Variants in SUPT3H observed in about 807,000 individuals in gnomAD.
SUPT3H encodes the protein SPT3 homolog, SAGA and STAGA complex component.
Under a neutral mutation model 44.3 loss-of-function variants are expected in SUPT3H, and 44 were observed. The ratio of observed to expected loss-of-function variants is 0.99; its 90% CI spans 0.78 to 1.28. SUPT3H has a LOEUF of 1.28. Ranked by LOEUF, SUPT3H falls within the 50% of genes most tolerant of loss-of-function variation. The probability of loss-of-function intolerance (pLI) is 0.00; values close to 1 mark genes in which losing one functional copy is unlikely to be tolerated. For synonymous variants in SUPT3H, 124 were observed against 125.6 expected (o/e 0.99, Z 0.09); for missense variants, 380 against 387.1 (o/e 0.98, Z 0.15).
At chr6:45,010,907 T>G (rs1298999932) in intron 5 of SUPT3H, among the ~76,000 whole-genome samples, 1 of 152,136 alleles carries the variant, frequency 6.6e-6, no homozygotes, top group East Asian at 1.9e-4. Flanking sequence ...CCTGGTTTGT[T>G]GAATGTCCCT....
chr6:45,377,040 T>A (rs1796887065), intron 1 of SUPT3H, among the ~76,000 whole-genome samples: 1 of 152,146 alleles, frequency 6.6e-6, no homozygotes, highest in African/African-American at 2.4e-5. Context: ...CATATCACTG[T>A]CTTCATAACT....
chr6:45,347,798 C>T (rs555496309), intron 2 of SUPT3H, among the ~76,000 whole-genome samples: 5 of 151,550 alleles, frequency 3.3e-5, no homozygotes, highest in African/African-American at 1.2e-4. Context: ...CATTAAAACA[C>T]TGTTTGTCTA....
chr6:44,967,965 T>C (rs1244730671), intron 6 of SUPT3H, among the ~76,000 whole-genome samples: 1 of 152,046 alleles, frequency 6.6e-6, no homozygotes, highest in Non-Finnish European at 1.5e-5. Flanking sequence ...AATTGTTTTC[T>C]TATTTTTATA....
chr6:45,349,444 C>G (rs1206410621), intron 2 of SUPT3H, among the ~76,000 whole-genome samples: 1 of 152,126 alleles, frequency 6.6e-6, no homozygotes, highest in Non-Finnish European at 1.5e-5. Flanking sequence ...CACTAGTTTT[C>G]CAAGTATGGT....
chr6:44,881,932 T>C (rs1379236905), intron 10 of SUPT3H, among the ~76,000 whole-genome samples: 2 of 151,922 alleles, frequency 1.3e-5, no homozygotes, highest in African/African-American at 4.8e-5. Flanking sequence ...CAGGAGAAAG[T>C]GGGAAAGATC....
chr6:44,935,556 G>A (rs1049607163), intron 9 of SUPT3H, among the ~76,000 whole-genome samples: 1 of 152,128 alleles, frequency 6.6e-6, no homozygotes, highest in African/African-American at 2.4e-5. Context: ...TATAAACTCT[G>A]TATTTCTTTA....
intron 2 of SUPT3H, among the ~76,000 whole-genome samples, chr6:45,211,851 T>TA (rs200790429): frequency 6.7e-4 from 89 of 131,974 alleles, no homozygotes; most frequent in Middle Eastern, 4.2e-3. Flanking sequence ...CCGTCTCAAC[T>TA]AAAAAAAAAA....
At chr6:45,244,823 T>G (rs930648975) in intron 2 of SUPT3H, among the ~76,000 whole-genome samples, 2 of 152,172 alleles carry the variant, frequency 1.3e-5, no homozygotes, top group Non-Finnish European at 2.9e-5. Flanking sequence ...TCAGCACTTT[T>G]CATTCTGAGG....
intron 2 of SUPT3H, among the ~76,000 whole-genome samples, chr6:45,289,820 G>A (rs926053526): frequency 7.9e-5 from 12 of 152,216 alleles, no homozygotes; most frequent in African/African-American, 2.9e-4. Context: ...AAAATGGTAC[G>A]TCAGCTGGTA....
intron 2 of SUPT3H, among the ~76,000 whole-genome samples, chr6:45,350,387 C>A (rs1340595849): frequency 6.6e-6 from 1 of 152,154 alleles, no homozygotes; most frequent in East Asian, 1.9e-4. Flanking sequence ...GGAATTTGCA[C>A]CAGAATGTAA....
In SUPT3H at chr6:44,887,997, A is replaced by G. The variant is rs754717158; in HGVS notation, c.912+44656T>C. 4.4e-3 allele frequency among the ~76,000 whole-genome samples: 670 copies of G among 152,150 alleles called. 9 individuals carry two copies. The highest frequency in any genetic ancestry group is 0.015 in the African/African-American group (613 of 41,430). ...CAGAGAATACTACAAACACCTCTAC[A>G]CAAATAAACTAGAAAATCTAGAATG... is the stretch of plus-strand genomic sequence containing the variant. On this transcript the variant is annotated intron_variant, in intron 10 of 10. Transcript: ENST00000371459.
At chr6:45,014,281 A>G (rs1178820675) in intron 5 of SUPT3H, among the ~76,000 whole-genome samples, 2 of 152,124 alleles carry the variant, frequency 1.3e-5, no homozygotes, top group African/African-American at 4.8e-5. Context: ...GCAAAACTGA[A>G]TATTACTCTT....
At chr6:44,825,458 G>C (rs943175967), downstream of SUPT3H, among the ~76,000 whole-genome samples, 1 of 152,148 alleles carries the variant, frequency 6.6e-6, no homozygotes. Context: ...GTGTAACAGT[G>C]GTTAACAGCA....
intron 10 of SUPT3H, among the ~76,000 whole-genome samples, chr6:44,903,766 G>A (rs1439836903): frequency 6.6e-6 from 1 of 152,144 alleles, no homozygotes; most frequent in Non-Finnish European, 1.5e-5. Flanking sequence ...GATTAATATT[G>A]ATGCAAAAAT....
chr6:45,164,228 A>C lies in SUPT3H; in HGVS notation c.102-58222T>G, dbSNP rs188803940. Among the ~76,000 whole-genome samples, 388 of 152,232 alleles carry C rather than the reference A, an allele frequency of 2.5e-3. 2 individuals are homozygous for C. Among genetic ancestry groups the C allele is most frequent in the African/African-American group, 8.2e-3 (340 of 41,544 alleles). On this transcript the variant is annotated intron_variant, in intron 2 of 10. Coordinates refer to ENST00000371459, the MANE Select transcript of SUPT3H (RefSeq NM_003599.4). ...TGAATCCCAAATCTGGGACCTATTC[A>C]TGGGGCATCAAAAAGTCAGTTAACA... is the stretch of plus-strand genomic sequence containing the variant.
chr6:45,077,947 C>G (rs1376832182), intron 3 of SUPT3H, among the ~76,000 whole-genome samples: 3 of 151,898 alleles, frequency 2.0e-5, no homozygotes, highest in Non-Finnish European at 4.4e-5. Flanking sequence ...AGAAATTAAA[C>G]AAAATCAGAT....
intron 3 of SUPT3H, among the ~76,000 whole-genome samples, chr6:45,053,771 C>T (rs1790687499): frequency 6.8e-6 from 1 of 147,752 alleles, no homozygotes; most frequent in Non-Finnish European, 1.5e-5. Flanking sequence ...AAAAATTAGC[C>T]GGGCGTGGTG....
At position 45,223,932 on chromosome 6, in the gene SUPT3H, T is replaced by C. The variant is rs545500413; in HGVS notation, c.102-117926A>G. Among the ~76,000 whole-genome samples the C allele has an allele frequency of 5.3e-5, 8 of 150,052 alleles. No individual in the cohort carries two copies. The South Asian group carries it at 8.3e-4, about 16-fold the overall frequency. ...ATTACAAGTAGAATACTAAAAATGA[T>C]AGAAATACTTAACCAACAGTAAATT... On this transcript the variant is annotated intron_variant, in intron 2 of 10. Coordinates refer to ENST00000371459, the MANE Select transcript of SUPT3H (RefSeq NM_003599.4).
intron 2 of SUPT3H, among the ~76,000 whole-genome samples, chr6:45,307,265 G>C (rs565182665): frequency 6.6e-6 from 1 of 152,346 alleles, no homozygotes; most frequent in South Asian, 2.1e-4. Flanking sequence ...GCTTTGAAGA[G>C]AGTAGGGGTT....
Sources: allele counts gnomAD v4.1 joint callset (sites outside exome capture counted in the v4.1 genomes callset), GRCh38; gene constraint gnomAD v4.1.1; transcripts MANE v1.5; gene names NCBI Gene and HGNC (gene_info 2026-07-23, HGNC 2026-07-21).